UBA3: variants seen among roughly 807,000 people sequenced by gnomAD.
UBA3 encodes the protein NEDD8-activating enzyme E1 catalytic subunit.
In UBA3, 26 loss-of-function variants were observed where a neutral mutation model predicts 73.5. The ratio of observed to expected loss-of-function variants is 0.35; its 90% confidence interval spans 0.26 to 0.49. UBA3 has a LOEUF of 0.49. Ranked by LOEUF, UBA3 falls within the 20% of genes least tolerant of loss-of-function variation. The pLI is 0.98. For synonymous variants in UBA3, 217 were observed against 191.2 expected, an observed-to-expected ratio of 1.13 and a Z score of -1.11; for missense variants, 495 against 555.6, an observed-to-expected ratio of 0.89 and a Z score of 1.10.
chr3:69,062,299 T>C (rs1359772077), intron 9 of UBA3, 120 bp from the exon 10 acceptor site: 2 of 695,658 alleles, frequency 2.9e-6, no homozygotes, highest in South Asian at 1.8e-5. Flanking sequence ...AAATATTGTA[T>C]ACCATTAAAA....
At chr3:69,070,075 T>C (rs1227979935) in intron 5 of UBA3, among the ~76,000 whole-genome samples, 2 of 152,190 alleles carry the variant, frequency 1.3e-5, no homozygotes, top group Non-Finnish European at 2.9e-5. Context: ...AGTTTAGAAG[T>C]ACTTGCTACA....
At chr3:69,058,714 C>G (rs1315361838) in intron 11 of UBA3, among the ~76,000 whole-genome samples, 3 of 152,174 alleles carry the variant, frequency 2.0e-5, no homozygotes, top group African/African-American at 7.2e-5. Flanking sequence ...CCCTCTTTCT[C>G]CAACCCCTGC....
Position 69,064,110 on chromosome 3 carries a change from G to A in UBA3, c.430C>T (p.His144Tyr), listed in dbSNP as rs1336214821. Reference sequence around the variant, plus strand: ...TTAAAATCTTGAATCTTGTTGAAATGTCTGAATACAAGTAAAGGAACTTAA... The same window carrying A: ...TTAAAATCTTGAATCTTGTTGAAATATCTGAATACAAGTAAAGGAACTTAA... ...DRVPNCNVVP[H>Y]FNKIQDFNDT... Residue 144 changes from histidine (H) to tyrosine (Y), a missense_variant and splice_region_variant, in exon 7 of 18, where the codon CAT becomes TAT. Physicochemically the swap from His to Tyr is moderately conservative, Grantham distance 83. Coordinates refer to ENST00000361055, the MANE Select transcript of UBA3 (RefSeq NM_003968.4). The A allele has an allele frequency of 1.9e-6, 3 of 1,600,562 alleles. No homozygotes were observed. Among genetic ancestry groups the A allele is most frequent in the African/African-American group, 1.4e-5 (1 of 74,042 alleles).
chr3:69,057,890 T>C (rs949585004), intron 11 of UBA3, among the ~76,000 whole-genome samples: 2 of 150,594 alleles, frequency 1.3e-5, no homozygotes, highest in African/African-American at 2.4e-5. Flanking sequence ...CACAAAATAT[T>C]AAATACAGTT....
At chr3:69,071,675 C>T (rs1218860051) in intron 4 of UBA3, 58 bp from the exon 5 acceptor site, 1 of 1,100,848 alleles carries the variant, frequency 9.1e-7, no homozygotes, top group Non-Finnish European at 1.3e-6. Context: ...AAAAACGTAA[C>T]ATTTGTTTTC....
chr3:69,077,712 G>A (rs575481212), intron 3 of UBA3, 86 bp downstream of exon 3: 88 of 1,359,554 alleles, frequency 6.5e-5, no homozygotes, highest in Middle Eastern at 4.0e-4. Context: ...TATTTTCATT[G>A]TAAGAGCAAA....
chr3:69,069,320 T>G (rs1009455791), intron 5 of UBA3, among the ~76,000 whole-genome samples: 39 of 152,130 alleles, frequency 2.6e-4, no homozygotes, highest in African/African-American at 9.4e-4. Flanking sequence ...CATGTCAATT[T>G]TTCTTTTCTT....
intron 7 of UBA3, 120 bp downstream of exon 7, chr3:69,063,948 A>T: frequency 1.2e-6 from 1 of 855,698 alleles, no homozygotes; most frequent in Non-Finnish European, 1.9e-6. Context: ...CTGAAAAGCC[A>T]ACAGTGAGAG....
intron 6 of UBA3, among the ~76,000 whole-genome samples, chr3:69,066,391 G>T (rs1174006146): frequency 6.6e-6 from 1 of 151,840 alleles, no homozygotes; most frequent in Non-Finnish European, 1.5e-5. Context: ...TTTTGACGTG[G>T]CCTAAGCACT....
intron 2 of UBA3, among the ~76,000 whole-genome samples, chr3:69,078,929 C>G (rs915402984): frequency 1.3e-5 from 2 of 152,188 alleles, no homozygotes; most frequent in African/African-American, 4.8e-5. Context: ...CAAAATTCAT[C>G]TATTTTATAC....
chr3:69,063,823 ACGTTC>A (rs2092043592), intron 7 of UBA3, among the ~76,000 whole-genome samples: 1 of 152,194 alleles, frequency 6.6e-6, no homozygotes, highest in Non-Finnish European at 1.5e-5. Context: ...AATCCCACAT[ACGTTC>A]TCAGAGCTCC....
intron 3 of UBA3, among the ~76,000 whole-genome samples, chr3:69,076,179 A>G (rs2092165122): frequency 6.6e-6 from 1 of 152,228 alleles, no homozygotes; most frequent in Non-Finnish European, 1.5e-5. Context: ...ATAAAAGTTT[A>G]AAAATTTAAA....
rs750811677 is a variant in UBA3, at chr3:69,062,210, T to C, written c.694-31A>G. On this transcript the variant is annotated intron_variant, in intron 9 of 17. Transcript: ENST00000361055. The stretch of plus-strand genomic sequence containing the variant: ...ACCACAGTTTGTCCTTTTCAGTGAA[T>C]TTTAAACGAATTATTTTAAAATGCA... 11 of 1,406,530 alleles carry C rather than the reference T, an allele frequency of 7.8e-6. No homozygotes were observed. In the South Asian group the frequency reaches 1.2e-4, roughly 15 times the overall value. The allele number at this position is 1,406,530 out of a possible 1,614,324, so 87.1% of individuals were successfully genotyped here. A position where few individuals can be genotyped will look rare whatever the true frequency, so the allele number is the denominator to read the frequency against.
intron 3 of UBA3, among the ~76,000 whole-genome samples, chr3:69,075,882 C>A (rs2092162224): frequency 6.6e-6 from 1 of 152,104 alleles, no homozygotes; most frequent in Non-Finnish European, 1.5e-5. Context: ...TAGGTGTGCA[C>A]TACCACACCT....
rs754656949 is a variant in UBA3, at chr3:69,071,526, A to G, written c.347+9T>C. On this transcript the variant is annotated intron_variant, in intron 5 of 17. Coordinates refer to ENST00000361055, the MANE Select transcript of UBA3 (RefSeq NM_003968.4). ...AAAAAAAGAAAACCGCTAAGATATT[A>G]AAACTTACCTAAATAAAAACTGCCT... 7 of 1,449,034 alleles carry G rather than the reference A, an allele frequency of 4.8e-6. No individual in the cohort carries two copies. The African/African-American group carries it at 1.0e-4, about 21-fold the overall frequency. 89.8% of individuals were successfully genotyped at this position (1,449,034 alleles called of 1,614,324 possible). A position where few individuals can be genotyped will look rare whatever the true frequency, so the allele number is the denominator to read the frequency against.
chr3:69,070,664 T>A (rs2092114045), intron 5 of UBA3, among the ~76,000 whole-genome samples: 1 of 152,218 alleles, frequency 6.6e-6, no homozygotes, highest in Non-Finnish European at 1.5e-5. Flanking sequence ...GTTTTGTTTT[T>A]GTTTTTGAGA....
chr3:69,080,251 C>G (rs923522396), intron 1 of UBA3, 83 bp downstream of exon 1: 1 of 1,558,080 alleles, frequency 6.4e-7, no homozygotes, highest in Admixed American at 1.9e-5. Context: ...GTGGGGACCC[C>G]GGGTGGCGGC....
intron 3 of UBA3, chr3:69,076,444 G>A (rs1164959099): frequency 6.6e-6 from 1 of 152,342 alleles, no homozygotes; most frequent in Non-Finnish European, 1.5e-5. Context: ...GCTGAGGCAG[G>A]AGAATCACTT....
chr3:69,058,571 G>A (rs1049536702), intron 11 of UBA3, among the ~76,000 whole-genome samples: 2 of 152,172 alleles, frequency 1.3e-5, no homozygotes, highest in African/African-American at 2.4e-5. Context: ...TAAACTGCAT[G>A]ATGGTTAAAC....
Sources: gnomAD v4.1 joint callset for allele counts (sites outside exome capture counted in the v4.1 genomes callset) on GRCh38, gnomAD v4.1.1 for gene constraint, MANE v1.5 for transcripts, NCBI Gene and HGNC (gene_info 2026-07-23, HGNC 2026-07-21) for gene names.